ELMO1: variants seen among roughly 807,000 people sequenced by gnomAD.
ELMO1 encodes the protein engulfment and cell motility 1.
Under a neutral mutation model 98.9 loss-of-function variants are expected in ELMO1, and 26 were observed. That is an observed-to-expected ratio of 0.26 (90% CI 0.19 to 0.36). ELMO1 has a LOEUF of 0.36. ELMO1 is among the 10% of genes least tolerant of loss of function. ELMO1 has a pLI of 1.00. For synonymous variants in ELMO1, 346 were observed against 346.0 expected (o/e 1.00, Z 0.00); for missense variants, 627 against 935.2 (o/e 0.67, Z 4.30).
chr7:37,253,732 A>AAC (rs896500320), intron 6 of ELMO1, among the ~76,000 whole-genome samples: 1 of 151,700 alleles, frequency 6.6e-6, no homozygotes, highest in African/African-American at 2.4e-5. Context: ...AAAAAAAAAA[A>AAC]AAAACAAAAA....
intron 16 of ELMO1, among the ~76,000 whole-genome samples, chr7:36,915,660 G>C (rs1784635713): frequency 6.6e-6 from 1 of 152,188 alleles, no homozygotes; most frequent in South Asian, 2.1e-4. Flanking sequence ...TCCTTTCTGA[G>C]GCAAAGTAAA....
chr7:37,311,875 TC>T (rs1484689357), intron 4 of ELMO1, among the ~76,000 whole-genome samples: 1 of 152,152 alleles, frequency 6.6e-6, no homozygotes, highest in Non-Finnish European at 1.5e-5. Context: ...CTTTATAAAC[TC>T]AACTTCAAGA....
At chr7:37,190,888 C>A (rs943712391) in intron 13 of ELMO1, among the ~76,000 whole-genome samples, 1 of 151,930 alleles carries the variant, frequency 6.6e-6, no homozygotes, top group Non-Finnish European at 1.5e-5. Flanking sequence ...CTTATACAAG[C>A]ATAGAAAATA....
At chr7:37,379,624 C>T (rs78302773) in intron 1 of ELMO1, among the ~76,000 whole-genome samples, 2,497 of 152,108 alleles carry the variant, frequency 0.016, 67 homozygotes, top group African/African-American at 0.057. Flanking sequence ...AAACAGATAC[C>T]CCTTTATCAA....
intron 1 of ELMO1, among the ~76,000 whole-genome samples, chr7:37,422,031 A>C (rs1300681910): frequency 6.6e-6 from 1 of 152,240 alleles, no homozygotes; most frequent in Non-Finnish European, 1.5e-5. Context: ...TGCAGTTCTC[A>C]AGCCAATTGC....
chr7:37,332,083 G>A (rs916238186), intron 2 of ELMO1, among the ~76,000 whole-genome samples: 30 of 152,176 alleles, frequency 2.0e-4, no homozygotes, highest in East Asian at 1.9e-4. Flanking sequence ...AGATCGCCAC[G>A]AGTTTGTCCC....
intron 4 of ELMO1, among the ~76,000 whole-genome samples, chr7:37,289,612 G>A (rs934381926): frequency 1.3e-5 from 2 of 152,164 alleles, no homozygotes; most frequent in African/African-American, 4.8e-5. Context: ...AAGAGGAAGG[G>A]CCTAGTATGA....
At chr7:37,356,333 G>A (rs766456686) in intron 1 of ELMO1, among the ~76,000 whole-genome samples, 2 of 152,114 alleles carry the variant, frequency 1.3e-5, no homozygotes, top group Non-Finnish European at 2.9e-5. Context: ...TGGGATCGCT[G>A]GGTCAAATGA....
intron 13 of ELMO1, among the ~76,000 whole-genome samples, chr7:37,170,228 A>G (rs1790056054): frequency 6.6e-6 from 1 of 152,198 alleles, no homozygotes; most frequent in Non-Finnish European, 1.5e-5. Context: ...CTTTTCGTCT[A>G]TTTCCAATTC....
intron 2 of ELMO1, among the ~76,000 whole-genome samples, chr7:37,329,218 G>GA (rs1799974061): frequency 1.3e-5 from 2 of 152,174 alleles, no homozygotes; most frequent in African/African-American, 4.8e-5. Flanking sequence ...CAAAAGGCAA[G>GA]ATAGAGGAAA....
intron 4 of ELMO1, among the ~76,000 whole-genome samples, chr7:37,272,991 T>C (rs1255050831): frequency 6.6e-6 from 1 of 152,184 alleles, no homozygotes; most frequent in Non-Finnish European, 1.5e-5. Flanking sequence ...TACCCCCAAA[T>C]TGGACACCTT....
intron 16 of ELMO1, among the ~76,000 whole-genome samples, chr7:36,937,472 G>C (rs1786647866): frequency 6.6e-6 from 1 of 152,180 alleles, no homozygotes. Flanking sequence ...TCCAAAACTA[G>C]GAGACCATAA....
intron 8 of ELMO1, among the ~76,000 whole-genome samples, chr7:37,229,285 T>C (rs1794036948): frequency 2.6e-5 from 4 of 152,106 alleles, no homozygotes; most frequent in Admixed American, 2.6e-4. Flanking sequence ...CACCTAAAGT[T>C]TTTTTTTCTT....
intron 5 of ELMO1, chr7:37,269,826 C>G (rs1796464713): frequency 6.6e-6 from 1 of 152,178 alleles, no homozygotes; most frequent in Admixed American, 6.5e-5. Context: ...ATCATTATCT[C>G]AAGAACACAA....
At chr7:37,338,742 C>T (rs1472996016) in intron 2 of ELMO1, among the ~76,000 whole-genome samples, 1 of 152,170 alleles carries the variant, frequency 6.6e-6, no homozygotes, top group Non-Finnish European at 1.5e-5. Flanking sequence ...CAAGCATCCT[C>T]ATCCTCAAGC....
At chr7:37,418,008 T>G (rs1804302256) in intron 1 of ELMO1, among the ~76,000 whole-genome samples, 1 of 152,098 alleles carries the variant, frequency 6.6e-6, no homozygotes, top group Non-Finnish European at 1.5e-5. Context: ...TCAGGCCAAC[T>G]CCTTGATTTT....
chr7:37,376,728 G>A (rs1802365093), intron 1 of ELMO1, among the ~76,000 whole-genome samples: 2 of 152,326 alleles, frequency 1.3e-5, no homozygotes, highest in Middle Eastern at 3.4e-3. Context: ...CTCTCAGAGA[G>A]GCAGATTTGA....
At chr7:37,158,623 A>G (rs912627509) in intron 13 of ELMO1, among the ~76,000 whole-genome samples, 2 of 152,260 alleles carry the variant, frequency 1.3e-5, no homozygotes, top group Non-Finnish European at 2.9e-5. Context: ...CACACCAGTT[A>G]GAATGGCGAT....
At chr7:37,296,473 C>T (rs1272535027) in intron 4 of ELMO1, among the ~76,000 whole-genome samples, 1 of 152,214 alleles carries the variant, frequency 6.6e-6, no homozygotes, top group Non-Finnish European at 1.5e-5. Context: ...CTTTTGATTA[C>T]TCCCAAATCG....
Sources: allele counts gnomAD v4.1 joint callset (sites outside exome capture counted in the v4.1 genomes callset), GRCh38; gene constraint gnomAD v4.1.1; transcripts MANE v1.5; gene names NCBI Gene and HGNC (gene_info 2026-07-23, HGNC 2026-07-21).